The following ATF3 variants were observed in gnomAD, a reference collection of about 807,000 sequenced individuals.
ATF3 encodes activating transcription factor 3, also known as cyclic AMP-dependent transcription factor ATF-3.
Under a neutral mutation model 18.4 loss-of-function variants are expected in ATF3, and 10 were observed. That is an observed-to-expected ratio of 0.54 (90% CI 0.34 to 0.92). The LOEUF (loss-of-function observed/expected upper bound fraction) is 0.92. ATF3 is among the 40% of genes least tolerant of loss of function. The pLI, the probability that ATF3 is intolerant of heterozygous loss-of-function variation, is 0.02. For missense variants in ATF3, 183 were observed against 222.3 expected, an observed-to-expected ratio of 0.82 and a Z score of 1.12; for synonymous variants, 78 against 87.9, an observed-to-expected ratio of 0.89 and a Z score of 0.63.
chr1:212,616,667 C>T (rs1426502182), intron 2 of ATF3, among the ~76,000 whole-genome samples: 3 of 152,090 alleles, frequency 2.0e-5, no homozygotes, highest in Non-Finnish European at 4.4e-5. Context: ...AAGACAGAAG[C>T]TGAGTGCACA....
At chr1:212,613,558 C>T (rs1400423666) in intron 1 of ATF3, 1 of 152,142 alleles carries the variant, frequency 6.6e-6, no homozygotes. Context: ...ACTGGGTTCT[C>T]GTGAGGATTA....
intron 1 of ATF3, among the ~76,000 whole-genome samples, chr1:212,574,190 A>G (rs1178326448): frequency 4.0e-5 from 6 of 151,842 alleles, no homozygotes; most frequent in African/African-American, 1.4e-4. Flanking sequence ...TGTAACTTCA[A>G]CTTTTAGTAC....
At chr1:212,615,311 G>A (rs1294698079) in intron 2 of ATF3, 50 bp downstream of exon 2, 3 of 1,583,800 alleles carry the variant, frequency 1.9e-6, no homozygotes, top group East Asian at 2.3e-5. Flanking sequence ...TTCGCTCGCA[G>A]CCACTGTGTG....
upstream of ATF3, among the ~76,000 whole-genome samples, chr1:212,607,905 T>C (rs1654690110): frequency 7.2e-6 from 1 of 138,976 alleles, no homozygotes; most frequent in Non-Finnish European, 1.5e-5. Flanking sequence ...CGCTTTGTGA[T>C]TGTAAAAAAA....
At chr1:212,616,956 C>A (rs967920933) in intron 2 of ATF3, among the ~76,000 whole-genome samples, 1 of 152,014 alleles carries the variant, frequency 6.6e-6, no homozygotes, top group Non-Finnish European at 1.5e-5. Flanking sequence ...ATTCTGCAGA[C>A]CCCTGTGGAG....
chr1:212,572,967 A>G (rs1571756001), intron 1 of ATF3, among the ~76,000 whole-genome samples: 1 of 152,094 alleles, frequency 6.6e-6, no homozygotes, highest in African/African-American at 2.4e-5. Flanking sequence ...TGTCTTTTTT[A>G]TATTTAGCAG....
chr1:212,597,575 A>G (rs554466142), intron 1 of ATF3, among the ~76,000 whole-genome samples: 23 of 152,280 alleles, frequency 1.5e-4, no homozygotes, highest in African/African-American at 5.5e-4. Context: ...TCAATGTTCC[A>G]GGCCAGTAAG....
At chr1:212,581,103 T>C (rs576346461) in intron 1 of ATF3, among the ~76,000 whole-genome samples, 1 of 152,238 alleles carries the variant, frequency 6.6e-6, no homozygotes, top group Non-Finnish European at 1.5e-5. Context: ...TGTGGTACTT[T>C]TTCCAGAGAG....
In ATF3 at chr1:212,619,940, C is replaced by T. The variant is rs1655303520; in HGVS notation, c.*385C>T. The stretch of plus-strand genomic sequence containing the variant: ...GGGAGGGATGGGGCCATCTCCTTCA[C>T]CGTGGCTACCATTGTCACTCGTAGG... On this transcript the variant is annotated 3_prime_UTR_variant, in exon 4 of 4. Coordinates refer to ENST00000341491, the MANE Select transcript of ATF3 (RefSeq NM_001674.4). This position sits in a 1 kb window ranked among gnomAD's most constrained non-coding sequence, Gnocchi z 4.4. 3.5e-6 allele frequency: 1 copy of T among 282,674 alleles called. No homozygotes were observed. The highest frequency in any genetic ancestry group is 7.0e-6 in the Non-Finnish European group (1 of 143,478). 17.5% of individuals were successfully genotyped at this position (282,674 alleles called of 1,614,324 possible). A position where few individuals can be genotyped will look rare whatever the true frequency, so the allele number is the denominator to read the frequency against.
At chr1:212,602,765 T>C (rs1455310226) in intron 1 of ATF3, among the ~76,000 whole-genome samples, 2 of 152,194 alleles carry the variant, frequency 1.3e-5, no homozygotes, top group Non-Finnish European at 2.9e-5. Flanking sequence ...CATAGTAACA[T>C]TTTACACTTA....
chr1:212,575,184 T>A (rs957083699), intron 1 of ATF3, among the ~76,000 whole-genome samples: 10 of 152,112 alleles, frequency 6.6e-5, no homozygotes, highest in Non-Finnish European at 5.9e-5. Context: ...ATAAACATAG[T>A]AATTCTCTCC....
At chr1:212,596,340 T>C (rs3122709) in intron 1 of ATF3, among the ~76,000 whole-genome samples, 150,327 of 152,332 alleles carry the variant, frequency 0.99, 74,180 homozygotes, top group East Asian at 1. Context: ...GATTTCACCA[T>C]CCAAATATTT....
rs552304222 is a variant in ATF3, at chr1:212,568,498, A to T, written c.-5+3015A>T. Among the ~76,000 whole-genome samples the T allele has an allele frequency of 3.3e-5, 5 of 152,304 alleles. No homozygotes were observed. The South Asian group carries it at 1.0e-3, about 32-fold the overall frequency. On this transcript the variant is annotated intron_variant, in intron 1 of 3. Transcript: ENST00000366981. The stretch of plus-strand genomic sequence containing the variant: ...AAGGGGCTCAGGCGTGTTTTTGTGG[A>T]CTACTTGTATTGAGTGATCTCTTCC...
chr1:212,596,226 C>T (rs2102638103), intron 1 of ATF3, among the ~76,000 whole-genome samples: 1 of 152,294 alleles, frequency 6.6e-6, no homozygotes, highest in East Asian at 1.9e-4. Flanking sequence ...TATTTTCCAC[C>T]TCACTTTTCT....
chr1:212,571,727 T>G (rs1664485388), intron 1 of ATF3, among the ~76,000 whole-genome samples: 1 of 137,704 alleles, frequency 7.3e-6, no homozygotes, highest in African/African-American at 2.7e-5. Context: ...TTTTTTTTTT[T>G]TTGAGACGGA....
At chr1:212,581,542 A>G (rs12043441) in intron 1 of ATF3, among the ~76,000 whole-genome samples, 3,475 of 152,314 alleles carry the variant, frequency 0.023, 280 homozygotes, top group Admixed American at 0.15. Flanking sequence ...TTGAAATACA[A>G]AAACTGTTTG....
chr1:212,618,077 A>C lies in ATF3; in HGVS notation c.241-50A>C, dbSNP rs752191589. 6.4e-7 allele frequency: 1 copy of C among 1,573,956 alleles called. No homozygotes were observed. Among genetic ancestry groups the C allele is most frequent in the Middle Eastern group, 1.7e-4 (1 of 5,994 alleles). On this transcript the variant is annotated intron_variant, in intron 2 of 3. Transcript: ENST00000341491. This position sits in a 1 kb window ranked among gnomAD's most constrained non-coding sequence, Gnocchi z 4.4. ...CAGTAAAAGGCAGTGTATTTGAGGT[A>C]GGTGGCATTTCTTACTGCCCTTTAA... is the stretch of plus-strand genomic sequence containing the variant.
At chr1:212,574,362 TA>T (rs1236279349) in intron 1 of ATF3, among the ~76,000 whole-genome samples, 2 of 152,014 alleles carry the variant, frequency 1.3e-5, no homozygotes, top group Non-Finnish European at 2.9e-5. Flanking sequence ...TTTCTATTAT[TA>T]ATAGCTAGTT....
Position 212,620,618 on chromosome 1 carries a change from ACTGTCTATTAAAATT to A in ATF3, c.*1067_*1081del. On this transcript the variant is annotated 3_prime_UTR_variant, in exon 4 of 4. Coordinates refer to ENST00000341491, the MANE Select transcript of ATF3 (RefSeq NM_001674.4). ...CACACTGGCCACAAGGACGCTGGCT[ACTGTCTATTAAAATT>A]CTGATGTTTCTGTGAAATTCTCAGA... is the stretch of plus-strand genomic sequence containing the variant. The A allele has an allele frequency of 6.5e-6, 1 of 152,752 alleles. No homozygotes were observed. The highest frequency in any genetic ancestry group is 2.1e-4 in the South Asian group (1 of 4,830). The allele number at this position is 152,752 out of a possible 1,614,324, so 9.5% of individuals were successfully genotyped here. A position where few individuals can be genotyped will look rare whatever the true frequency, so the allele number is the denominator to read the frequency against.
Sources: gnomAD v4.1 joint callset for allele counts (sites outside exome capture counted in the v4.1 genomes callset) on GRCh38, gnomAD v4.1.1 for gene constraint, Gnocchi (gnomAD v3.1) non-coding constraint, MANE v1.5 for transcripts, NCBI Gene and HGNC (gene_info 2026-07-23, HGNC 2026-07-21) for gene names.